Variants in YES1 observed in about 807,000 individuals in gnomAD.
The protein encoded by YES1 is tyrosine-protein kinase Yes.
YES1 carries 39 observed loss-of-function variants against 70.4 expected under a neutral mutation model. The ratio of observed to expected loss-of-function variants is 0.55; its 90% CI spans 0.43 to 0.72. The LOEUF is 0.72. Among genes scored for constraint, YES1 ranks in the 30% least tolerant of loss-of-function variants. The probability of loss-of-function intolerance (pLI) is 0.00; values close to 1 mark genes in which losing one functional copy is unlikely to be tolerated. For missense variants in YES1, 495 were observed against 644.8 expected, an observed-to-expected ratio of 0.77 and a Z score of 2.52; for synonymous variants, 198 against 218.6, an observed-to-expected ratio of 0.91 and a Z score of 0.83.
rs368612869 is a variant in YES1, at chr18:741,094, C to T, written c.1061-1283G>A. On this transcript the variant is annotated intron_variant, in intron 8 of 11. Coordinates refer to ENST00000314574, the MANE Select transcript of YES1 (RefSeq NM_005433.4). Reference sequence around the variant, plus strand: ...TGTATTTTTAGCAGAGACGGGGTTTCGCTATGTTGGCCAGGCTGGGATCGA... The same window carrying T: ...TGTATTTTTAGCAGAGACGGGGTTTTGCTATGTTGGCCAGGCTGGGATCGA... Among the ~76,000 whole-genome samples the T allele has an allele frequency of 7.0e-4, 107 of 152,064 alleles. 2 individuals are homozygous for T. The South Asian group carries it at 0.021, about 30-fold the overall frequency.
At chr18:777,581 C>T (rs1246605531) in intron 1 of YES1, among the ~76,000 whole-genome samples, 4 of 151,938 alleles carry the variant, frequency 2.6e-5, no homozygotes, top group South Asian at 2.1e-4. Context: ...CTGAGGCAGG[C>T]GGATCACTTG....
chr18:798,425 T>C (rs1906650076), intron 1 of YES1, among the ~76,000 whole-genome samples: 1 of 152,200 alleles, frequency 6.6e-6, no homozygotes, highest in Non-Finnish European at 1.5e-5. Context: ...ACATTTGTTA[T>C]GAGTTTCTCC....
chr18:795,622 G>A (rs548261100), intron 1 of YES1, among the ~76,000 whole-genome samples: 2 of 151,980 alleles, frequency 1.3e-5, no homozygotes, highest in Non-Finnish European at 2.9e-5. Flanking sequence ...GGATGAAGCT[G>A]GAAATCATCA....
At chr18:730,408 AATCATAG>A (rs1367447050) in intron 11 of YES1, among the ~76,000 whole-genome samples, 2 of 149,988 alleles carry the variant, frequency 1.3e-5, no homozygotes, top group African/African-American at 4.9e-5. Flanking sequence ...GCAGTGGCGC[AATCATAG>A]CTCACTGCAG....
intron 1 of YES1, among the ~76,000 whole-genome samples, chr18:801,505 G>T (rs1906820180): frequency 6.6e-6 from 1 of 152,136 alleles, no homozygotes; most frequent in Admixed American, 6.5e-5. Context: ...TTAGAAAATG[G>T]CTATCTTTCT....
At chr18:787,700 ACT>A (rs1296441569) in intron 1 of YES1, among the ~76,000 whole-genome samples, 1 of 151,278 alleles carries the variant, frequency 6.6e-6, no homozygotes, top group Non-Finnish European at 1.5e-5. Flanking sequence ...ACAGAGTGAG[ACT>A]CTGTCTCAAA....
At chr18:756,292 C>G (rs1419142881) in intron 2 of YES1, among the ~76,000 whole-genome samples, 5 of 143,820 alleles carry the variant, frequency 3.5e-5, no homozygotes, top group African/African-American at 1.3e-4. Context: ...TGGGGGGGGG[C>G]TCAATAACTA....
At chr18:781,394 T>G (rs922723858) in intron 1 of YES1, among the ~76,000 whole-genome samples, 1 of 152,084 alleles carries the variant, frequency 6.6e-6, no homozygotes, top group African/African-American at 2.4e-5. Flanking sequence ...ACAACCTCCC[T>G]CTTTCCTTAC....
chr18:750,197 G>T (rs954595068), intron 3 of YES1, among the ~76,000 whole-genome samples: 2 of 152,140 alleles, frequency 1.3e-5, no homozygotes, highest in Non-Finnish European at 2.9e-5. Flanking sequence ...CTTGGTTTGT[G>T]GTTCCTCATA....
At chr18:752,158 A>G (rs1434483098) in intron 2 of YES1, among the ~76,000 whole-genome samples, 2 of 152,144 alleles carry the variant, frequency 1.3e-5, no homozygotes, top group Non-Finnish European at 2.9e-5. Flanking sequence ...CCCAGGCTGG[A>G]GTGCAGTGGT....
chr18:738,840 T>C (rs1398187395), intron 9 of YES1: 3 of 152,178 alleles, frequency 2.0e-5, no homozygotes. Context: ...TCTATTTTCT[T>C]GAGATGGAGT....
rs114039991 is a variant in YES1, at chr18:724,360, T to C, written c.*64A>G. 1.9e-3 allele frequency: 2,677 copies of C among 1,419,028 alleles called. 37 individuals carry two copies. In the African/African-American group the frequency reaches 0.034, roughly 18 times the overall value. The allele number at this position is 1,419,028 out of a possible 1,614,324, so 87.9% of individuals were successfully genotyped here. Reference sequence around the variant, plus strand: ...GAAGATTTTCTTCTTTTGATTCCTGTAGAAAATCTACACAAGTTCTTTATA... The same window carrying C: ...GAAGATTTTCTTCTTTTGATTCCTGCAGAAAATCTACACAAGTTCTTTATA... On this transcript the variant is annotated 3_prime_UTR_variant, in exon 12 of 12. Coordinates refer to ENST00000314574, the MANE Select transcript of YES1 (RefSeq NM_005433.4).
intron 1 of YES1, among the ~76,000 whole-genome samples, chr18:806,973 G>C (rs1907130512): frequency 6.6e-6 from 1 of 152,194 alleles, no homozygotes; most frequent in South Asian, 2.1e-4. Context: ...AGTGGTAAAA[G>C]TAAGGACAAG....
At chr18:725,641 C>T (rs1211518331) in intron 11 of YES1, among the ~76,000 whole-genome samples, 2 of 152,082 alleles carry the variant, frequency 1.3e-5, no homozygotes, top group African/African-American at 2.4e-5. Context: ...GTAATCCTGG[C>T]GCTTTGGGAG....
chr18:780,629 T>C (rs1905611864), intron 1 of YES1, among the ~76,000 whole-genome samples: 1 of 152,210 alleles, frequency 6.6e-6, no homozygotes, highest in Non-Finnish European at 1.5e-5. Context: ...GAAAATGGAC[T>C]AAGATACCTT....
intron 1 of YES1, among the ~76,000 whole-genome samples, chr18:804,609 CAAAAAA>C (rs57896154): frequency 2.6e-5 from 1 of 38,772 alleles, no homozygotes; most frequent in African/African-American, 1.0e-4. Context: ...GACTGAGTCT[CAAAAAA>C]AAAAAAAAAA....
chr18:781,913 T>C (rs994461671), intron 1 of YES1, among the ~76,000 whole-genome samples: 3 of 152,274 alleles, frequency 2.0e-5, no homozygotes, highest in East Asian at 1.9e-4. Flanking sequence ...TGACTAGAGG[T>C]AGCTTAAGCA....
intron 9 of YES1, chr18:738,229 C>T (rs1277337191): frequency 6.6e-6 from 1 of 152,076 alleles, no homozygotes; most frequent in East Asian, 1.9e-4. Flanking sequence ...CCAAAACCAG[C>T]ATGTCAACCA....
Position 797,216 on chromosome 18 carries a change from TCAC to T in YES1, c.-9+14895_-9+14897del, listed in dbSNP as rs1242188321. Among the ~76,000 whole-genome samples the T allele has an allele frequency of 2.0e-5, 3 of 152,094 alleles. No homozygotes were observed. The East Asian group carries it at 5.8e-4, about 29-fold the overall frequency. On this transcript the variant is annotated intron_variant, in intron 1 of 11. Coordinates refer to ENST00000314574, the MANE Select transcript of YES1 (RefSeq NM_005433.4). ...CTGGTAAAGATTATGAGCAAGCAGT[TCAC>T]CACAAGGAGAGATGCATAGTAGCCT...
Sources: gnomAD v4.1 joint callset for allele counts (sites outside exome capture counted in the v4.1 genomes callset) on GRCh38, gnomAD v4.1.1 for gene constraint, MANE v1.5 for transcripts, NCBI Gene and HGNC (gene_info 2026-07-23, HGNC 2026-07-21) for gene names.